Variants in MYH11 observed in about 807,000 individuals in gnomAD.
MYH11 encodes myosin heavy chain 11, also known as myosin-11.
MYH11 carries 80 observed loss-of-function variants against 246.6 expected under a neutral mutation model. The observed-to-expected ratio is 0.32, with a 90% CI of 0.27 to 0.39. The LOEUF is 0.39. Ranked by LOEUF, MYH11 falls within the 10% of genes least tolerant of loss-of-function variation. The pLI, the probability that MYH11 is intolerant of heterozygous loss-of-function variation, is 1.00. For missense variants in MYH11, 2,158 were observed against 2,546.8 expected (o/e 0.85, Z 3.29); for synonymous variants, 1,071 against 1,015.5 (o/e 1.05, Z -1.04).
chr16:15,708,677 A>T (rs1012525069), intron 40 of MYH11: 1 of 990,804 alleles, frequency 1.0e-6, no homozygotes, highest in Non-Finnish European at 1.6e-6. Flanking sequence ...CCAAGCCTCC[A>T]GATTTTGCAA....
intron 6 of MYH11, 79 bp from the exon 7 acceptor site, chr16:15,778,922 A>T: frequency 7.5e-7 from 1 of 1,326,998 alleles, no homozygotes; most frequent in South Asian, 1.2e-5. Context: ...AGCAGGAGGC[A>T]GATGGTACAG....
intron 16 of MYH11, chr16:15,749,744 T>A: frequency 3.5e-6 from 1 of 289,770 alleles, no homozygotes; most frequent in Non-Finnish European, 6.5e-6. Context: ...CAAAAATGTC[T>A]GTAGCATGTC....
At chr16:15,737,365 A>T (rs2041148492) in intron 25 of MYH11, 84 bp downstream of exon 25, 1 of 1,582,026 alleles carries the variant, frequency 6.3e-7, no homozygotes, top group Non-Finnish European at 8.6e-7. Context: ...GCCTTGACCA[A>T]GACAGCCACT....
At chr16:15,754,264 A>G (rs777086569) in intron 14 of MYH11, among the ~76,000 whole-genome samples, 1 of 151,946 alleles carries the variant, frequency 6.6e-6, no homozygotes, top group African/African-American at 2.4e-5. Context: ...CCTATTTTCC[A>G]CTCTCTAATG....
chr16:15,833,778 C>G (rs1008497710), intron 2 of MYH11, among the ~76,000 whole-genome samples: 10 of 152,160 alleles, frequency 6.6e-5, no homozygotes, highest in African/African-American at 2.4e-4. Context: ...CACCTCACTA[C>G]CCGCCTATTA....
chr16:15,767,151 G>A (rs140150308), intron 9 of MYH11, among the ~76,000 whole-genome samples: 26 of 152,136 alleles, frequency 1.7e-4, no homozygotes, highest in East Asian at 5.8e-4. Flanking sequence ...ATGGATGGAC[G>A]GATGGGTGAT....
At chr16:15,738,420 G>T in intron 24 of MYH11, 145 bp downstream of exon 24, 1 of 707,076 alleles carries the variant, frequency 1.4e-6, no homozygotes, top group Non-Finnish European at 2.3e-6. Flanking sequence ...GGCTGAGGCA[G>T]GAGGATCACT....
At chr16:15,710,354 C>T (rs1413826526) in intron 40 of MYH11, among the ~76,000 whole-genome samples, 2 of 152,076 alleles carry the variant, frequency 1.3e-5, no homozygotes, top group African/African-American at 4.8e-5. Flanking sequence ...AACCTTGCCA[C>T]TACTAAAAAT....
intron 2 of MYH11, among the ~76,000 whole-genome samples, chr16:15,827,950 G>C (rs930065248): frequency 9.9e-5 from 15 of 152,256 alleles, no homozygotes; most frequent in Middle Eastern, 6.8e-3. Context: ...TTCAGGCCTC[G>C]ACTCCATCTC....
chr16:15,720,230 T>G lies in MYH11; in HGVS notation c.4874A>C (p.Asp1625Ala), dbSNP rs1276709633. 1 of 1,614,050 alleles carries G rather than the reference T, an allele frequency of 6.2e-7. No individual in the cohort carries two copies. The highest frequency in any genetic ancestry group is 8.5e-7 in the Non-Finnish European group (1 of 1,179,996). ...GGCCTGAAGCTCCAGGTCTTTCAGG[T>G]CCCCTTCCAGCTTCTTCTTTGCTGC... is the stretch of plus-strand genomic sequence containing the variant. ...AAAAKKKLEG[D>A]LKDLELQADS... Residue 1625 changes from aspartate to alanine, a missense_variant, in exon 34 of 41, where the codon GAC (aspartate) becomes GCC (alanine). Asp to Ala is a moderately radical substitution (Grantham distance 126). Transcript: ENST00000300036.
rs750066715 is a variant in MYH11 at position 15,750,196 on chromosome 16, G to A, written c.2000C>T (p.Thr667Met). 33 of 1,614,138 alleles carry A rather than the reference G, an allele frequency of 2.0e-5. No homozygotes were observed. The highest frequency in any genetic ancestry group is 5.0e-5 in the Admixed American group (3 of 60,012). The change falls in exon 16 of 41, where the codon ACG becomes ATG. Residue 667 changes from threonine to methionine, a missense_variant. Transcript: ENST00000300036. This position sits in a 1 kb window ranked among gnomAD's most constrained non-coding sequence, Gnocchi z 4.3. Reference protein sequence around the residue: ...YKEQLGKLMTTLRNTTPNFVR... With the variant: ...YKEQLGKLMTMLRNTTPNFVR... ...GAAGTTGGGCGTGGTGTTGCGTAGCGTGGTCATCAGCTTGCCCAGCTGCTC... is the reference window on the plus strand; with the variant it reads ...GAAGTTGGGCGTGGTGTTGCGTAGCATGGTCATCAGCTTGCCCAGCTGCTC...
chr16:15,741,375 A>C lies in MYH11; in HGVS notation c.2859+88T>G, dbSNP rs1415593304. 2.1e-6 allele frequency: 3 copies of C among 1,397,196 alleles called. No individual in the cohort carries two copies. The African/African-American group carries it at 4.2e-5, about 20-fold the overall frequency. The allele number at this position is 1,397,196 out of a possible 1,614,324, so 86.5% of individuals were successfully genotyped here. ...CGTCTCATCATCTGTCCCAGCAGGG[A>C]CACATATCCCTGGATGCACCTCCAC... On this transcript the variant is annotated intron_variant, in intron 22 of 40. Transcript: ENST00000300036.
rs140339691 is a variant in MYH11 at position 15,724,978 on chromosome 16, G to A, written c.3873C>T (p.Ser1291=). 1.5e-5 allele frequency: 25 copies of A among 1,613,862 alleles called. No individual in the cohort carries two copies. The East Asian group carries it at 1.8e-4, about 12-fold the overall frequency. The part of the protein sequence containing the change: ...KVHKLQNEVE[S]VTGMLNEAEG... Reference sequence around the variant, plus strand: ...CGGCCTCGTTAAGCATCCCTGTGACGCTCTCAACTTCATTCTAAGGGTGCC... The same window carrying A: ...CGGCCTCGTTAAGCATCCCTGTGACACTCTCAACTTCATTCTAAGGGTGCC... Residue 1291 remains serine, a synonymous_variant, in exon 29 of 41, where the codon AGC becomes AGT. Transcript: ENST00000300036.
chr16:15,720,751 C>G, intron 33 of MYH11, 88 bp downstream of exon 33: 3 of 1,414,540 alleles, frequency 2.1e-6, no homozygotes, highest in Non-Finnish European at 3.0e-6. Flanking sequence ...ATAAAGAAAA[C>G]GAAGTTTCCA....
intron 27 of MYH11, among the ~76,000 whole-genome samples, chr16:15,732,099 TTACAGGCA>T (rs1220968964): frequency 2.0e-5 from 3 of 152,060 alleles, no homozygotes; most frequent in Non-Finnish European, 4.4e-5. Flanking sequence ...GTAGCTGGGA[TTACAGGCA>T]TGCACCACCG....
At chr16:15,805,552 A>T (rs180785709) in intron 3 of MYH11, among the ~76,000 whole-genome samples, 138 of 152,376 alleles carry the variant, frequency 9.1e-4, no homozygotes, top group Non-Finnish European at 1.6e-3. Context: ...AATGTTCATC[A>T]ATGGGTAGAT....
At chr16:15,739,191 C>A (rs1202552286) in intron 23 of MYH11, among the ~76,000 whole-genome samples, 1 of 152,006 alleles carries the variant, frequency 6.6e-6, no homozygotes, top group Non-Finnish European at 1.5e-5. Context: ...CCTCTGCCTC[C>A]CACGTTCAAG....
At chr16:15,798,789 C>A (rs2042813674) in intron 3 of MYH11, 102 bp from the exon 4 acceptor site, 1 of 1,232,014 alleles carries the variant, frequency 8.1e-7, no homozygotes, top group African/African-American at 1.5e-5. Flanking sequence ...TAAAGCTTCT[C>A]CATGCTGGCC....
chr16:15,848,831 A>T (rs993113728), intron 1 of MYH11, among the ~76,000 whole-genome samples: 11 of 152,154 alleles, frequency 7.2e-5, no homozygotes. Context: ...CGGAATACCA[A>T]CTGCAGAAGA....
Sources: gnomAD v4.1 joint callset for allele counts (sites outside exome capture counted in the v4.1 genomes callset) on GRCh38, gnomAD v4.1.1 for gene constraint, Gnocchi (gnomAD v3.1) non-coding constraint, MANE v1.5 for transcripts, NCBI Gene and HGNC (gene_info 2026-07-23, HGNC 2026-07-21) for gene names.